Variants in FRMD5 observed in about 807,000 individuals in gnomAD.
FRMD5 encodes FERM domain containing 5, also known as FERM domain-containing protein 5.
In FRMD5, 20 loss-of-function variants were observed where a neutral mutation model predicts 69.0. That is an observed-to-expected ratio of 0.29 (90% CI 0.20 to 0.42). The LOEUF (loss-of-function observed/expected upper bound fraction) is 0.42, where lower values mean the gene tolerates loss of function less well. Ranked by LOEUF, FRMD5 falls within the 10% of genes least tolerant of loss-of-function variation. The pLI, the probability that FRMD5 is intolerant of heterozygous loss-of-function variation, is 1.00. For synonymous variants in FRMD5, 271 were observed against 260.1 expected (o/e 1.04, Z -0.40); for missense variants, 595 against 708.6 (o/e 0.84, Z 1.82).
At chr15:44,123,270 G>A (rs545345311) in intron 1 of FRMD5, among the ~76,000 whole-genome samples, 7 of 152,068 alleles carry the variant, frequency 4.6e-5, no homozygotes, top group African/African-American at 1.4e-4. Flanking sequence ...ACTTGAACCC[G>A]GGAGGCACAG....
chr15:43,917,052 T>G (rs942603708), intron 4 of FRMD5, among the ~76,000 whole-genome samples: 2 of 152,198 alleles, frequency 1.3e-5, no homozygotes, highest in Non-Finnish European at 2.9e-5. Flanking sequence ...AGTGCTGGGA[T>G]GACAGGCGTG....
intron 1 of FRMD5, among the ~76,000 whole-genome samples, chr15:43,945,927 G>A (rs190075054): frequency 6.6e-6 from 1 of 152,182 alleles, no homozygotes; most frequent in East Asian, 1.9e-4. Context: ...ATGGTGGCAT[G>A]TGCCTGTAAT....
At chr15:43,986,678 A>G (rs1477109504) in intron 1 of FRMD5, among the ~76,000 whole-genome samples, 1 of 151,722 alleles carries the variant, frequency 6.6e-6, no homozygotes, top group Non-Finnish European at 1.5e-5. Context: ...ATCATAAACT[A>G]TATGACAAAA....
chr15:44,130,155 T>C (rs1283651141), intron 1 of FRMD5, among the ~76,000 whole-genome samples: 5 of 152,214 alleles, frequency 3.3e-5, no homozygotes, highest in Admixed American at 1.3e-4. Flanking sequence ...AAACCCATCA[T>C]GCTTCAGCAG....
intron 1 of FRMD5, among the ~76,000 whole-genome samples, chr15:44,071,917 G>A (rs1416906072): frequency 6.6e-6 from 1 of 152,178 alleles, no homozygotes; most frequent in African/African-American, 2.4e-5. Context: ...CCAGGCTGGA[G>A]TGGAGTGGTG....
upstream of FRMD5, chr15:44,195,380 A>G (rs1266433678): frequency 1.0e-5 from 4 of 388,460 alleles, no homozygotes; most frequent in Middle Eastern, 7.2e-4. Context: ...CGAAAAGCCA[A>G]TCGAGATAGA....
At chr15:44,105,764 G>T (rs982784599) in intron 1 of FRMD5, among the ~76,000 whole-genome samples, 1 of 151,906 alleles carries the variant, frequency 6.6e-6, no homozygotes, top group African/African-American at 2.4e-5. Flanking sequence ...ACCTTCATTA[G>T]CTTCGACAAG....
At chr15:44,057,137 AT>A (rs57462426) in intron 1 of FRMD5, among the ~76,000 whole-genome samples, 4,711 of 146,738 alleles carry the variant, frequency 0.032, 227 homozygotes, top group East Asian at 0.096. Flanking sequence ...GAACTGTTCT[AT>A]TTTTTTTTTT....
chr15:44,070,312 A>C (rs1007888442), intron 1 of FRMD5, among the ~76,000 whole-genome samples: 2 of 152,022 alleles, frequency 1.3e-5, no homozygotes, highest in African/African-American at 4.8e-5. Context: ...TTATTTATAA[A>C]ATAAAAATAA....
intron 1 of FRMD5, among the ~76,000 whole-genome samples, chr15:43,959,191 A>T (rs988567873): frequency 6.6e-6 from 1 of 152,246 alleles, no homozygotes; most frequent in African/African-American, 2.4e-5. Flanking sequence ...TTAGCCAAGG[A>T]CTCAACATCA....
intron 1 of FRMD5, among the ~76,000 whole-genome samples, chr15:44,123,369 G>C (rs1349563447): frequency 6.6e-6 from 1 of 151,284 alleles, no homozygotes; most frequent in Non-Finnish European, 1.5e-5. Flanking sequence ...ATATGGCATA[G>C]GGTTAAAGAA....
chr15:44,045,968 C>T (rs541102698), intron 1 of FRMD5, among the ~76,000 whole-genome samples: 1 of 152,300 alleles, frequency 6.6e-6, no homozygotes, highest in East Asian at 1.9e-4. Flanking sequence ...TTCTGACCTA[C>T]AGTTGTATAG....
intron 1 of FRMD5, among the ~76,000 whole-genome samples, chr15:44,112,915 T>C (rs578060020): frequency 1.3e-5 from 2 of 152,234 alleles, no homozygotes; most frequent in African/African-American, 4.8e-5. Context: ...ATTTTTTCCT[T>C]TCATATTTCT....
intron 1 of FRMD5, among the ~76,000 whole-genome samples, chr15:44,053,165 G>A (rs1375504117): frequency 6.6e-6 from 1 of 152,076 alleles, no homozygotes; most frequent in Non-Finnish European, 1.5e-5. Context: ...TCAAACAAGG[G>A]GAAGGCAAAA....
At chr15:44,165,832 AAAAAAT>A (rs1252467097) in intron 1 of FRMD5, among the ~76,000 whole-genome samples, 1 of 152,200 alleles carries the variant, frequency 6.6e-6, no homozygotes, top group African/African-American at 2.4e-5. Context: ...CCCTGCCTCA[AAAAAAT>A]AAAAATAAAA....
chr15:43,970,691 G>T (rs187523640), intron 1 of FRMD5, among the ~76,000 whole-genome samples: 11 of 152,242 alleles, frequency 7.2e-5, no homozygotes, highest in Admixed American at 4.6e-4. Context: ...TCCTGCCCTC[G>T]AGTGATATGC....
chr15:44,035,248 T>C (rs1891855404), intron 1 of FRMD5, among the ~76,000 whole-genome samples: 1 of 152,180 alleles, frequency 6.6e-6, no homozygotes, highest in South Asian at 2.1e-4. Context: ...TTTCTTGTCT[T>C]GCCATGCCAT....
At chr15:44,004,733 G>C (rs1270378965) in intron 1 of FRMD5, among the ~76,000 whole-genome samples, 1 of 152,146 alleles carries the variant, frequency 6.6e-6, no homozygotes, top group Non-Finnish European at 1.5e-5. Flanking sequence ...ACCTTTCAAT[G>C]GCCTGTAAGT....
At chr15:43,969,141 G>T (rs1173307212) in intron 1 of FRMD5, among the ~76,000 whole-genome samples, 1 of 148,838 alleles carries the variant, frequency 6.7e-6, no homozygotes, top group South Asian at 2.1e-4. Flanking sequence ...AGGCTGGAAT[G>T]CAGTGGCACA....
Sources: gnomAD v4.1 joint callset for allele counts (sites outside exome capture counted in the v4.1 genomes callset) on GRCh38, gnomAD v4.1.1 for gene constraint, MANE v1.5 for transcripts, NCBI Gene and HGNC (gene_info 2026-07-23, HGNC 2026-07-21) for gene names.